The following MARK2 variants were observed in gnomAD, a reference collection of about 807,000 sequenced individuals.
MARK2 encodes the protein microtubule affinity regulating kinase 2, also known as serine/threonine-protein kinase MARK2.
Under a neutral mutation model 89.8 loss-of-function variants are expected in MARK2, and 16 were observed. That is an observed-to-expected ratio of 0.18 (90% confidence interval 0.12 to 0.27). The LOEUF (loss-of-function observed/expected upper bound fraction) is 0.27. Ranked by LOEUF, MARK2 falls within the 10% of genes least tolerant of loss-of-function variation. The pLI is 1.00. For missense variants in MARK2, 621 were observed against 1,049.9 expected, an observed-to-expected ratio of 0.59 and a Z score of 5.65; for synonymous variants, 382 against 399.5, an observed-to-expected ratio of 0.96 and a Z score of 0.52.
chr11:63,902,722 G>A lies in MARK2; in HGVS notation c.1356G>A (p.Lys452=), dbSNP rs760434442. Residue 452 remains lysine, a synonymous_variant, in exon 13 of 19, where the codon AAG becomes AAA. Transcript: ENST00000402010. This position sits in a 1 kb window ranked among gnomAD's most constrained non-coding sequence, Gnocchi z 4.2. The part of the protein sequence containing the change: ...ESGRKASSTA[K]VPASPLPGLE... Reference sequence around the variant, plus strand: ...GGCGGAAAGCCAGCAGCACAGCCAAGGTGCCTGCCAGCCCCCTGCCCGGTC... The same window carrying A: ...GGCGGAAAGCCAGCAGCACAGCCAAAGTGCCTGCCAGCCCCCTGCCCGGTC... The A allele has an allele frequency of 1.9e-6, 3 of 1,613,942 alleles. No homozygotes were observed. The highest frequency in any genetic ancestry group is 2.5e-6 in the Non-Finnish European group (3 of 1,180,028).
At chr11:63,893,647 G>T (rs956662015) in intron 1 of MARK2, among the ~76,000 whole-genome samples, 3 of 151,850 alleles carry the variant, frequency 2.0e-5, no homozygotes, top group Non-Finnish European at 2.9e-5. Flanking sequence ...TATGTTTTTT[G>T]TCTAGACCAT....
At position 63,899,249 on chromosome 11, in the gene MARK2, CTT is replaced by C. The variant is rs66492279; in HGVS notation, c.531+153_531+154del. 6.9e-3 allele frequency: 3,647 copies of C among 525,320 alleles called. 10 individuals carry two copies. The highest frequency in any genetic ancestry group is 0.024 in the African/African-American group (1,219 of 49,950). 32.5% of individuals were successfully genotyped at this position (525,320 alleles called of 1,614,324 possible). On this transcript the variant is annotated intron_variant, in intron 7 of 18. Coordinates refer to ENST00000402010, the MANE Select transcript of MARK2 (RefSeq NM_001039469.3). ...CCTTTCTTTTTTTCTTTCTTTCTTT[CTT>C]TTTTTTTTTTTGAGATGACCAGAAA...
chr11:63,845,966 G>A (rs553912509), intron 1 of MARK2, among the ~76,000 whole-genome samples: 7 of 151,676 alleles, frequency 4.6e-5, no homozygotes, highest in Non-Finnish European at 8.8e-5. Context: ...CAAGTGATCC[G>A]CCTGCCGTGG....
At chr11:63,875,975 G>T (rs1340655685) in intron 1 of MARK2, among the ~76,000 whole-genome samples, 2 of 152,216 alleles carry the variant, frequency 1.3e-5, no homozygotes, top group African/African-American at 4.8e-5. Flanking sequence ...CTGTGCACAC[G>T]CATGTGTGTG....
At chr11:63,878,030 T>C (rs1938869364) in intron 1 of MARK2, among the ~76,000 whole-genome samples, 1 of 152,184 alleles carries the variant, frequency 6.6e-6, no homozygotes, top group African/African-American at 2.4e-5. Flanking sequence ...CAGTGCAGGG[T>C]TGAGACTGCA....
rs1244360833 is a variant in MARK2, at chr11:63,903,949, C to A, written c.1515-37C>A. The A allele has an allele frequency of 6.4e-7, 1 of 1,570,682 alleles. No individual in the cohort carries two copies. The highest frequency in any genetic ancestry group is 1.1e-5 in the South Asian group (1 of 87,050). On this transcript the variant is annotated intron_variant, in intron 14 of 18. Coordinates refer to ENST00000402010, the MANE Select transcript of MARK2 (RefSeq NM_001039469.3). The surrounding 1 kb of genome is among the most constrained non-coding windows in gnomAD (Gnocchi z 5.1). ...ATCCAGGCCTCCCGCCCTCACTCAC[C>A]CCTAACACGGGCCTCTCCGCTGCTT... is the stretch of plus-strand genomic sequence containing the variant.
intron 1 of MARK2, among the ~76,000 whole-genome samples, chr11:63,864,969 G>T (rs12576275): frequency 1.3e-5 from 2 of 151,868 alleles, no homozygotes; most frequent in Non-Finnish European, 2.9e-5. Context: ...ACGCAGTCTC[G>T]GCCTTGACCT....
chr11:63,898,995 AG>A, intron 6 of MARK2, 56 bp from the exon 7 acceptor site: 1 of 1,327,916 alleles, frequency 7.5e-7, no homozygotes, highest in East Asian at 2.3e-5. Flanking sequence ...CTGCTCTGTC[AG>A]CCCCTGTGGC....
Position 63,854,363 on chromosome 11 carries a change from C to G in MARK2, c.54+14803C>G, listed in dbSNP as rs147751282. On this transcript the variant is annotated intron_variant, in intron 1 of 18. Coordinates refer to ENST00000402010, the MANE Select transcript of MARK2 (RefSeq NM_001039469.3). The stretch of plus-strand genomic sequence containing the variant: ...TACAGGTCCGCACCACCACGCCTGG[C>G]TAGTTTTTCTATTTGTTTTTTTTTT... Among the ~76,000 whole-genome samples, 52 of 148,580 alleles carry G rather than the reference C, an allele frequency of 3.5e-4. No homozygotes were observed. In the East Asian group the frequency reaches 0.01, roughly 29 times the overall value.
chr11:63,861,210 C>T (rs910992691), intron 1 of MARK2, among the ~76,000 whole-genome samples: 1 of 151,606 alleles, frequency 6.6e-6, no homozygotes, highest in Non-Finnish European at 1.5e-5. Context: ...CTAAGGCGGG[C>T]GGATCACGAG....
At chr11:63,859,681 G>T (rs1288722591) in intron 1 of MARK2, among the ~76,000 whole-genome samples, 1 of 151,686 alleles carries the variant, frequency 6.6e-6, no homozygotes, top group Non-Finnish European at 1.5e-5. Flanking sequence ...GCCCAGGCTG[G>T]AGTGCGGTGG....
At position 63,904,136 on chromosome 11, in the gene MARK2, G is replaced by A; in HGVS notation, c.1665G>A (p.Val555=). 1 of 1,582,584 alleles carries A rather than the reference G, an allele frequency of 6.3e-7. No individual in the cohort carries two copies. Among genetic ancestry groups the A allele is most frequent in the Non-Finnish European group, 8.5e-7 (1 of 1,169,776 alleles). The change falls in exon 15 of 19, where the codon GTG becomes GTA. Residue 555 remains valine (V), a synonymous_variant. Coordinates refer to ENST00000402010, the MANE Select transcript of MARK2 (RefSeq NM_001039469.3). This position sits in a 1 kb window ranked among gnomAD's most constrained non-coding sequence, Gnocchi z 6.3. ...GLPPTESNCE[V]PRPSTAPQRV... ...CCCCCACGGAGAGTAACTGTGAGGT[G>A]CCGCGGCCCAGGCAAGTGTGCTGGG... is the stretch of plus-strand genomic sequence containing the variant.
chr11:63,880,475 C>A (rs1044162316), intron 1 of MARK2, among the ~76,000 whole-genome samples: 5 of 152,132 alleles, frequency 3.3e-5, no homozygotes, highest in African/African-American at 1.2e-4. Flanking sequence ...ATAATTGTCT[C>A]CTAGATTCTT....
At chr11:63,849,608 C>T (rs139298137) in intron 1 of MARK2, among the ~76,000 whole-genome samples, 1 of 152,276 alleles carries the variant, frequency 6.6e-6, no homozygotes, top group East Asian at 1.9e-4. Context: ...CAAAAATTAG[C>T]CCGGTGTGGT....
intron 3 of MARK2, 80 bp from the exon 4 acceptor site, chr11:63,898,152 C>A (rs901212506): frequency 7.7e-7 from 1 of 1,300,384 alleles, no homozygotes; most frequent in Non-Finnish European, 1.1e-6. Flanking sequence ...TTGGGAAAAA[C>A]AAATCCTGGC....
At position 63,904,834 on chromosome 11, in the gene MARK2, C is replaced by T. The variant is rs1240998570; in HGVS notation, c.1725C>T (p.Ile575=). The T allele has an allele frequency of 1.9e-6, 3 of 1,614,174 alleles. No individual in the cohort carries two copies. In the Admixed American group the frequency reaches 5.0e-5, roughly 27 times the overall value. ...VPVASPSAHN[I]SSSGGAPDRT... ...TTGCCTCCCCATCCGCCCACAACAT[C>T]AGCAGCAGTGGTGGAGCCCCAGACC... The change falls in exon 16 of 19, where the codon ATC becomes ATT. Residue 575 remains isoleucine, a synonymous_variant. Transcript: ENST00000402010. The surrounding 1 kb of genome is among the most constrained non-coding windows in gnomAD (Gnocchi z 6.3).
At chr11:63,848,018 C>T (rs1272635123) in intron 1 of MARK2, among the ~76,000 whole-genome samples, 2 of 152,208 alleles carry the variant, frequency 1.3e-5, no homozygotes, top group Non-Finnish European at 2.9e-5. Flanking sequence ...TGCTCTTTGG[C>T]AGCTTACAGG....
At chr11:63,856,333 TTTTTA>T (rs1183299359) in intron 1 of MARK2, among the ~76,000 whole-genome samples, 8,501 of 140,476 alleles carry the variant, frequency 0.061, 496 homozygotes, top group East Asian at 0.14. Flanking sequence ...TTTTTTTTTT[TTTTTA>T]AATATATGGC....
chr11:63,902,818 C>T lies in MARK2; in HGVS notation c.1416+36C>T, dbSNP rs759758585. 9.7e-6 allele frequency: 15 copies of T among 1,545,284 alleles called. No individual in the cohort carries two copies. The highest frequency in any genetic ancestry group is 1.7e-5 in the Admixed American group (1 of 59,372). ...CCCCCCGCTCTCTCCTTCCTTCCTG[C>T]GGTGGGGCCTGCCCTCTCCAGGCAG... is the stretch of plus-strand genomic sequence containing the variant. On this transcript the variant is annotated intron_variant, in intron 13 of 18. Transcript: ENST00000402010. This position sits in a 1 kb window ranked among gnomAD's most constrained non-coding sequence, Gnocchi z 4.2.
Sources: allele counts gnomAD v4.1 joint callset (sites outside exome capture counted in the v4.1 genomes callset), GRCh38; gene constraint gnomAD v4.1.1; non-coding constraint Gnocchi (gnomAD v3.1); transcripts MANE v1.5; gene names NCBI Gene and HGNC (gene_info 2026-07-23, HGNC 2026-07-21).